Variants in ATXN1 observed in about 807,000 individuals in gnomAD.
ATXN1 encodes the protein ataxin 1.
In ATXN1, 8 loss-of-function variants were observed where a neutral mutation model predicts 56.4. That is an observed-to-expected ratio of 0.14 (90% CI 0.08 to 0.26). ATXN1 has a LOEUF of 0.26. ATXN1 is among the 10% of genes least tolerant of loss of function. The pLI is 1.00. For synonymous variants in ATXN1, 514 were observed against 494.6 expected, an observed-to-expected ratio of 1.04 and a Z score of -0.52; for missense variants, 987 against 1,106.5, an observed-to-expected ratio of 0.89 and a Z score of 1.53.
chr6:16,316,310 G>C (rs1174330479), intron 7 of ATXN1, among the ~76,000 whole-genome samples: 6 of 152,154 alleles, frequency 3.9e-5, no homozygotes. Context: ...CCAGTCCCTG[G>C]TGCCAAAAGG....
chr6:16,325,694 A>T (rs1003359385), intron 7 of ATXN1, among the ~76,000 whole-genome samples: 1 of 152,006 alleles, frequency 6.6e-6, no homozygotes, highest in Non-Finnish European at 1.5e-5. Context: ...GAGTATAAAA[A>T]TTATCTCGTC....
chr6:16,673,755 G>A (rs979018883), intron 2 of ATXN1, among the ~76,000 whole-genome samples: 5 of 152,056 alleles, frequency 3.3e-5, no homozygotes, highest in Admixed American at 6.6e-5. Flanking sequence ...GAGCTCAGGC[G>A]ATCCTCCTGC....
intron 3 of ATXN1, among the ~76,000 whole-genome samples, chr6:16,588,562 C>T (rs965225988): frequency 3.9e-5 from 6 of 152,218 alleles, no homozygotes; most frequent in African/African-American, 1.4e-4. Context: ...CTAGGACACA[C>T]TTGTATAGAA....
intron 3 of ATXN1, among the ~76,000 whole-genome samples, chr6:16,650,578 A>T (rs866739058): frequency 2.0e-5 from 3 of 152,204 alleles, no homozygotes; most frequent in Admixed American, 6.5e-5. Context: ...TATACTTAAC[A>T]TTTGTTGGGT....
chr6:16,524,255 C>A (rs2113698420), intron 4 of ATXN1, among the ~76,000 whole-genome samples: 1 of 152,298 alleles, frequency 6.6e-6, no homozygotes, highest in South Asian at 2.1e-4. Flanking sequence ...ACTTACTATG[C>A]AGTCAGACTA....
intron 5 of ATXN1, among the ~76,000 whole-genome samples, chr6:16,487,333 A>G (rs1760569382): frequency 6.6e-6 from 1 of 152,210 alleles, no homozygotes; most frequent in South Asian, 2.1e-4. Flanking sequence ...TTCTGAGGAA[A>G]AAAAACAAAA....
intron 7 of ATXN1, among the ~76,000 whole-genome samples, chr6:16,308,545 G>A (rs1760313574): frequency 1.3e-5 from 2 of 152,222 alleles, no homozygotes; most frequent in South Asian, 2.1e-4. Context: ...ATACACCAAG[G>A]GAGGGTGTTC....
chr6:16,756,239 A>T (rs1350424446), intron 1 of ATXN1, among the ~76,000 whole-genome samples: 2 of 152,122 alleles, frequency 1.3e-5, no homozygotes, highest in Non-Finnish European at 2.9e-5. Flanking sequence ...ATATATTTTT[A>T]AAAATCTCAA....
chr6:16,678,477 T>C (rs1346308038), intron 2 of ATXN1, among the ~76,000 whole-genome samples: 1 of 152,234 alleles, frequency 6.6e-6, no homozygotes, highest in African/African-American at 2.4e-5. Context: ...TTTGATATGC[T>C]ATGCTCACAG....
chr6:16,439,525 T>C (rs865885853), intron 6 of ATXN1, among the ~76,000 whole-genome samples: 1 of 152,000 alleles, frequency 6.6e-6, no homozygotes, highest in South Asian at 2.1e-4. Flanking sequence ...TTGTGTCTTT[T>C]GATGAATTAG....
Position 16,760,604 on chromosome 6 carries a change from C to T in ATXN1, c.-730+694G>A, listed in dbSNP as rs1761057255. ...CACCCGGCCGCGCGCAAAGTCCCGT[C>T]CCGGCTGCAGGAGCAGTCCCTTCCC... On this transcript the variant is annotated intron_variant, in intron 1 of 7. Transcript: ENST00000436367. This position sits in a 1 kb window ranked among gnomAD's most constrained non-coding sequence, Gnocchi z 5.3. Among the ~76,000 whole-genome samples the T allele has an allele frequency of 6.6e-6, 1 of 151,202 alleles. No homozygotes were observed. The highest frequency in any genetic ancestry group is 6.6e-5 in the Admixed American group (1 of 15,224).
At chr6:16,483,135 C>T (rs1760472957) in intron 6 of ATXN1, among the ~76,000 whole-genome samples, 2 of 152,026 alleles carry the variant, frequency 1.3e-5, no homozygotes, top group African/African-American at 2.4e-5. Context: ...GATCCCCCCT[C>T]CCCCCAGCCC....
intron 5 of ATXN1, among the ~76,000 whole-genome samples, chr6:16,500,441 A>G (rs952398293): frequency 6.6e-6 from 1 of 152,182 alleles, no homozygotes; most frequent in Non-Finnish European, 1.5e-5. Flanking sequence ...TGCATCTTCA[A>G]TGTGGCACCC....
rs1380381258 is a variant in ATXN1 at position 16,606,858 on chromosome 6, TTCC to T, written c.-488-20954_-488-20952del. ...TTGAATTTTGGGGGAAAGTATACAG[TTCC>T]ATGAGTTGTGTGTGTGTGTGTGTGT... On this transcript the variant is annotated intron_variant, in intron 3 of 7. Coordinates refer to ENST00000436367, the MANE Select transcript of ATXN1 (RefSeq NM_001128164.2). 6.6e-5 allele frequency among the ~76,000 whole-genome samples: 10 copies of T among 151,206 alleles called. No homozygotes were observed. The East Asian group carries it at 1.8e-3, about 27-fold the overall frequency.
At chr6:16,706,736 A>AAAAC (rs1554127336) in intron 2 of ATXN1, among the ~76,000 whole-genome samples, 11,218 of 144,628 alleles carry the variant, frequency 0.078, 821 homozygotes, top group East Asian at 0.35. Context: ...AAAAAAAAAA[A>AAAAC]AAAAGGAAGA....
Position 16,400,658 on chromosome 6 carries a change from T to G in ATXN1, c.-160-72188A>C, listed in dbSNP as rs529894419. On this transcript the variant is annotated intron_variant, in intron 6 of 7. Coordinates refer to ENST00000436367, the MANE Select transcript of ATXN1 (RefSeq NM_001128164.2). Reference sequence around the variant, plus strand: ...TCAGAACATTCATTTGTTAATCCAATATTTATGATGTGTCTCTTTCATATC... The same window carrying G: ...TCAGAACATTCATTTGTTAATCCAAGATTTATGATGTGTCTCTTTCATATC... 3.3e-5 allele frequency among the ~76,000 whole-genome samples: 5 copies of G among 152,356 alleles called. No homozygotes were observed. The East Asian group carries it at 9.6e-4, about 29-fold the overall frequency.
intron 2 of ATXN1, among the ~76,000 whole-genome samples, chr6:16,668,960 T>A (rs1025605391): frequency 5.3e-5 from 8 of 152,110 alleles, no homozygotes; most frequent in African/African-American, 1.9e-4. Flanking sequence ...AAGCCCAGAA[T>A]CCACCCCATT....
intron 2 of ATXN1, among the ~76,000 whole-genome samples, chr6:16,714,071 C>T (rs1486016738): frequency 6.6e-6 from 1 of 151,772 alleles, no homozygotes; most frequent in Non-Finnish European, 1.5e-5. Context: ...CAGAGAATCA[C>T]TTGAACCCAG....
chr6:16,380,299 T>C (rs1328187218), intron 6 of ATXN1, among the ~76,000 whole-genome samples: 2 of 152,162 alleles, frequency 1.3e-5, no homozygotes, highest in African/African-American at 4.8e-5. Context: ...GTCTACTATA[T>C]GCCAGGCAGA....
Sources: gnomAD v4.1 joint callset for allele counts (sites outside exome capture counted in the v4.1 genomes callset) on GRCh38, gnomAD v4.1.1 for gene constraint, Gnocchi (gnomAD v3.1) non-coding constraint, MANE v1.5 for transcripts, NCBI Gene and HGNC (gene_info 2026-07-23, HGNC 2026-07-21) for gene names.